Variants in PTPRK observed in about 807,000 individuals in gnomAD.
PTPRK encodes protein tyrosine phosphatase receptor type K.
PTPRK carries 75 observed loss-of-function variants against 178.0 expected under a neutral mutation model. The ratio of observed to expected loss-of-function variants is 0.42; its 90% CI spans 0.35 to 0.51. PTPRK has a LOEUF of 0.51. Ranked by LOEUF, PTPRK falls within the 20% of genes least tolerant of loss-of-function variation. The probability of loss-of-function intolerance (pLI) is 0.02; values close to 1 mark genes in which losing one functional copy is unlikely to be tolerated. For synonymous variants in PTPRK, 637 were observed against 620.6 expected (o/e 1.03, Z -0.39); for missense variants, 1,441 against 1,797.8 (o/e 0.80, Z 3.59).
At chr6:128,048,623 C>T (rs549572928) in intron 13 of PTPRK, among the ~76,000 whole-genome samples, 3 of 152,306 alleles carry the variant, frequency 2.0e-5, no homozygotes, top group Non-Finnish European at 4.4e-5. Context: ...TCACCATTTG[C>T]CATGCCACAT....
intron 25 of PTPRK, among the ~76,000 whole-genome samples, chr6:127,979,237 G>T (rs1399088036): frequency 6.6e-6 from 1 of 152,008 alleles, no homozygotes; most frequent in African/African-American, 2.4e-5. Context: ...GATCATGCAC[G>T]ACACTCCAGC....
At chr6:128,276,794 C>A (rs894881413) in intron 3 of PTPRK, among the ~76,000 whole-genome samples, 1 of 151,944 alleles carries the variant, frequency 6.6e-6, no homozygotes, top group Non-Finnish European at 1.5e-5. Context: ...TTGTGGGCAC[C>A]GATGAGTTCA....
chr6:128,150,680 G>T (rs1797121540), intron 7 of PTPRK, among the ~76,000 whole-genome samples: 1 of 151,952 alleles, frequency 6.6e-6, no homozygotes, highest in Admixed American at 6.6e-5. Flanking sequence ...TTTCCTCCTG[G>T]ATATCGCATT....
intron 3 of PTPRK, among the ~76,000 whole-genome samples, chr6:128,272,390 G>A (rs938213070): frequency 6.6e-6 from 1 of 152,082 alleles, no homozygotes; most frequent in African/African-American, 2.4e-5. Flanking sequence ...CTTCTGCACA[G>A]CAAAAGAAAC....
At chr6:128,455,535 T>C (rs1848286743) in intron 1 of PTPRK, among the ~76,000 whole-genome samples, 2 of 152,156 alleles carry the variant, frequency 1.3e-5, no homozygotes, top group African/African-American at 2.4e-5. Flanking sequence ...TCAATCTATA[T>C]ATGAGCTCAG....
intron 1 of PTPRK, among the ~76,000 whole-genome samples, chr6:128,408,258 G>C (rs1398331543): frequency 1.3e-5 from 2 of 151,952 alleles, no homozygotes; most frequent in Non-Finnish European, 2.9e-5. Flanking sequence ...CGTGGTGGCG[G>C]GCGCCTGTAA....
chr6:128,078,952 A>C (rs1225512209), intron 10 of PTPRK, 34 bp from the exon 11 acceptor site: 3 of 1,394,102 alleles, frequency 2.2e-6, no homozygotes, highest in East Asian at 4.6e-5. Flanking sequence ...AAAAGGTTCA[A>C]TTAATTTACA....
At position 128,334,440 on chromosome 6, in the gene PTPRK, G is replaced by C. The variant is rs190058379; in HGVS notation, c.224-12130C>G. 3.9e-5 allele frequency among the ~76,000 whole-genome samples: 6 copies of C among 152,204 alleles called. No homozygotes were observed. In the East Asian group the frequency reaches 1.2e-3, roughly 30 times the overall value. On this transcript the variant is annotated intron_variant, in intron 2 of 29. Transcript: ENST00000368226. The stretch of plus-strand genomic sequence containing the variant: ...ACCTAGAAGAACTAAAGTACTTTTA[G>C]TACAAGAAGTACATGAAGAACAACT...
intron 15 of PTPRK, among the ~76,000 whole-genome samples, chr6:127,999,731 T>C (rs1165920494): frequency 1.3e-5 from 2 of 152,092 alleles, no homozygotes; most frequent in East Asian, 3.9e-4. Context: ...TAATGATTTA[T>C]CTACTTGGCT....
At chr6:128,437,999 C>T (rs754514645) in intron 1 of PTPRK, among the ~76,000 whole-genome samples, 2 of 152,218 alleles carry the variant, frequency 1.3e-5, no homozygotes, top group African/African-American at 2.4e-5. Flanking sequence ...AGAACCTGAA[C>T]ATCCGAAAAG....
At chr6:128,098,188 A>G (rs975796551) in intron 7 of PTPRK, among the ~76,000 whole-genome samples, 5 of 152,176 alleles carry the variant, frequency 3.3e-5, no homozygotes, top group Non-Finnish European at 7.4e-5. Context: ...GCTAATGAAA[A>G]TGAAACCTAA....
At chr6:128,211,399 T>C (rs957027631) in intron 6 of PTPRK, among the ~76,000 whole-genome samples, 1 of 152,178 alleles carries the variant, frequency 6.6e-6, no homozygotes, top group Non-Finnish European at 1.5e-5. Context: ...TTGGTTTTAA[T>C]TCTTGTCAGA....
intron 9 of PTPRK, among the ~76,000 whole-genome samples, chr6:128,083,272 A>G (rs559465043): frequency 2.0e-5 from 3 of 152,196 alleles, no homozygotes; most frequent in East Asian, 3.9e-4. Flanking sequence ...ATGAAGCTCT[A>G]GAAAAGTCAG....
intron 3 of PTPRK, among the ~76,000 whole-genome samples, chr6:128,316,190 T>C (rs905227474): frequency 2.0e-5 from 3 of 152,144 alleles, no homozygotes; most frequent in Non-Finnish European, 4.4e-5. Context: ...AAATCAGAAA[T>C]GTATTTTTTC....
intron 12 of PTPRK, among the ~76,000 whole-genome samples, 195 bp downstream of exon 12, chr6:128,067,324 T>A (rs74965290): frequency 0.015 from 2,243 of 152,210 alleles, 61 homozygotes; most frequent in African/African-American, 0.051. Flanking sequence ...ACAGGAACCC[T>A]GTGAAATGGA....
intron 5 of PTPRK, among the ~76,000 whole-genome samples, chr6:128,231,252 C>T (rs1446810291): frequency 6.6e-6 from 1 of 152,080 alleles, no homozygotes; most frequent in East Asian, 1.9e-4. Context: ...TTAGAATATA[C>T]CAATGGCCCA....
At position 127,983,347 on chromosome 6, in the gene PTPRK, A is replaced by G; in HGVS notation, c.3282T>C (p.Ile1094=). The change falls in exon 23 of 30, where the codon ATT becomes ATC. Residue 1094 remains isoleucine (I), a synonymous_variant. Transcript: ENST00000368226. ...SAGAGRTGCY[I]VIDIMLDMAE... Reference sequence around the variant, plus strand: ...CCATGTCTAGCATGATGTCAATCACAATGTAGCAGCCAGTTCGTCCAGCAC... The same window carrying G: ...CCATGTCTAGCATGATGTCAATCACGATGTAGCAGCCAGTTCGTCCAGCAC... The G allele has an allele frequency of 6.2e-7, 1 of 1,613,810 alleles. No individual in the cohort carries two copies. The highest frequency in any genetic ancestry group is 8.5e-7 in the Non-Finnish European group (1 of 1,179,786).
chr6:128,298,372 C>G (rs1824889519), intron 3 of PTPRK, among the ~76,000 whole-genome samples: 1 of 151,600 alleles, frequency 6.6e-6, no homozygotes, highest in South Asian at 2.1e-4. Context: ...CTCTGTAGCT[C>G]ATTTTATGAG....
At chr6:128,273,861 T>C (rs988216262) in intron 3 of PTPRK, among the ~76,000 whole-genome samples, 7 of 152,110 alleles carry the variant, frequency 4.6e-5, no homozygotes, top group South Asian at 2.1e-4. Flanking sequence ...CTCCTCACTA[T>C]CAAAATCAAA....
Sources: allele counts gnomAD v4.1 joint callset (sites outside exome capture counted in the v4.1 genomes callset), GRCh38; gene constraint gnomAD v4.1.1; transcripts MANE v1.5; gene names NCBI Gene and HGNC (gene_info 2026-07-23, HGNC 2026-07-21).